Variants in TALDO1 observed in about 807,000 individuals in gnomAD.
The protein encoded by TALDO1 is transaldolase 1.
A neutral mutation model predicts 38.1 loss-of-function variants in TALDO1; 29 were observed. The observed-to-expected ratio is 0.76, with a 90% CI of 0.57 to 1.04. The LOEUF (loss-of-function observed/expected upper bound fraction) is 1.04. Among genes scored for constraint, TALDO1 ranks in the 50% least tolerant of loss-of-function variants. The pLI is 0.00. For synonymous variants in TALDO1, 207 were observed against 176.8 expected (o/e 1.17, Z -1.36); for missense variants, 499 against 438.1 (o/e 1.14, Z -1.24).
intron 6 of TALDO1, 159 bp from the exon 7 acceptor site, chr11:764,129 C>T (rs1360037301): frequency 1.4e-5 from 20 of 1,425,062 alleles, no homozygotes; most frequent in Non-Finnish European, 1.9e-5. Context: ...TCAGCCAAGG[C>T]TCTGTGGGCT....
chr11:760,486 A>G (rs1353893597), intron 4 of TALDO1: 1 of 567,868 alleles, frequency 1.8e-6, no homozygotes, highest in African/African-American at 1.9e-5. Flanking sequence ...AGGAAGTACC[A>G]TCCACCCACT....
At chr11:760,069 C>T (rs1862903542) in intron 3 of TALDO1, 53 bp from the exon 4 acceptor site, 5 of 1,610,564 alleles carry the variant, frequency 3.1e-6, no homozygotes, top group East Asian at 4.5e-5. Flanking sequence ...GCTTGCTCTG[C>T]GTGGTGGGCA....
chr11:759,927 TC>T (rs1862902168), intron 3 of TALDO1, among the ~76,000 whole-genome samples, 194 bp from the exon 4 acceptor site: 1 of 152,150 alleles, frequency 6.6e-6, no homozygotes, highest in African/African-American at 2.4e-5. Flanking sequence ...ACTGAGGACC[TC>T]TGTTTGTGAG....
intron 2 of TALDO1, among the ~76,000 whole-genome samples, chr11:756,512 A>AT (rs34721664): frequency 0.44 from 50,585 of 115,318 alleles, 11,338 homozygotes; most frequent in East Asian, 0.55. Context: ...TCATTTTTGT[A>AT]TTTTTTTTTT....
chr11:763,176 C>CGTCGGGGTTCAAG (rs1369203971), intron 4 of TALDO1, among the ~76,000 whole-genome samples, 168 bp from the exon 5 acceptor site: 1 of 146,980 alleles, frequency 6.8e-6, no homozygotes, highest in South Asian at 2.1e-4. Flanking sequence ...GGGCACCTGG[C>CGTCGGGGTTCAAG]CTGCATTCAC....
intron 1 of TALDO1, among the ~76,000 whole-genome samples, chr11:748,811 C>G (rs374917925): frequency 1.8e-4 from 28 of 152,364 alleles, no homozygotes; most frequent in African/African-American, 6.3e-4. Flanking sequence ...ACAGCCCCCC[C>G]GTTGTAGTCC....
At chr11:749,615 G>C (rs1285326719) in intron 1 of TALDO1, among the ~76,000 whole-genome samples, 1 of 152,204 alleles carries the variant, frequency 6.6e-6, no homozygotes, top group African/African-American at 2.4e-5. Context: ...AATCAAAGCT[G>C]TGAATGCTCT....
chr11:749,531 G>A (rs1862717646), intron 1 of TALDO1, among the ~76,000 whole-genome samples: 1 of 151,956 alleles, frequency 6.6e-6, no homozygotes, highest in African/African-American at 2.4e-5. Context: ...AGTCTGTTGG[G>A]TTTGTGATCT....
chr11:755,702 C>T lies in TALDO1; in HGVS notation c.98-177C>T, dbSNP rs1032889088. ...GTTGTTCCATCATTATGCAAACAGC[C>T]GCCTCTTGATGAACCTTCAGTGACC... is the stretch of plus-strand genomic sequence containing the variant. On this transcript the variant is annotated intron_variant, in intron 1 of 7. Transcript: ENST00000319006. 1.1e-4 allele frequency: 92 copies of T among 823,418 alleles called. No individual in the cohort carries two copies. The African/African-American group carries it at 1.3e-3, about 12-fold the overall frequency. 51.0% of individuals were successfully genotyped at this position (823,418 alleles called of 1,614,324 possible). A position where few individuals can be genotyped will look rare whatever the true frequency, so the allele number is the denominator to read the frequency against.
chr11:763,935 GC>G lies in TALDO1; in HGVS notation c.828del (p.Lys277ArgfsTer44), dbSNP rs750856021. Reference sequence around the variant, plus strand: ...CGCCAAGCTGGTGCCTGTGCTCTCAGCCAAGGCGGGTGAGGCCCCACTGCCC... The same window carrying G: ...CGCCAAGCTGGTGCCTGTGCTCTCAGCAAGGCGGGTGAGGCCCCACTGCCC... ...DNAKLVPVLSAKAAQASDLEK... is the reference protein window; with the variant it reads ...DNAKLVPVLSXKAAQASDLEK... On this transcript the variant is annotated frameshift_variant, in exon 6 of 8. Coordinates refer to ENST00000319006, the MANE Select transcript of TALDO1 (RefSeq NM_006755.2). LOFTEE classifies it high-confidence loss of function. The G allele has an allele frequency of 2.1e-5, 33 of 1,608,918 alleles. No homozygotes were observed. The highest frequency in any genetic ancestry group is 2.7e-5 in the Non-Finnish European group (32 of 1,179,848).
chr11:763,693 G>C (rs1344208506), intron 5 of TALDO1, 54 bp from the exon 6 acceptor site: 3 of 1,596,632 alleles, frequency 1.9e-6, no homozygotes, highest in East Asian at 4.5e-5. Flanking sequence ...GGGAGGGCAG[G>C]TGGGGTGGTA....
At chr11:760,503 A>C in intron 4 of TALDO1, 1 of 515,784 alleles carries the variant, frequency 1.9e-6, no homozygotes, top group East Asian at 3.7e-5. Flanking sequence ...CACTCAGCAG[A>C]GAAGAAAAGC....
intron 1 of TALDO1, among the ~76,000 whole-genome samples, chr11:755,434 G>A (rs1455231627): frequency 1.2e-4 from 18 of 152,148 alleles, no homozygotes; most frequent in Non-Finnish European, 2.6e-4. Flanking sequence ...GTGGGCCGCC[G>A]CGCCCAGCTC....
chr11:755,088 TA>T (rs1429999073), intron 1 of TALDO1, among the ~76,000 whole-genome samples: 1 of 150,054 alleles, frequency 6.7e-6, no homozygotes, highest in Admixed American at 6.7e-5. Context: ...TTGCAGGTAA[TA>T]ATTTTTGGAG....
chr11:762,394 T>C (rs1182128078), intron 4 of TALDO1, among the ~76,000 whole-genome samples: 2 of 152,212 alleles, frequency 1.3e-5, no homozygotes, highest in African/African-American at 4.8e-5. Flanking sequence ...TCGGTTTCCA[T>C]TTCTCGGGCT....
intron 5 of TALDO1, 113 bp from the exon 6 acceptor site, chr11:763,634 G>A (rs896517657): frequency 8.3e-6 from 13 of 1,568,296 alleles, no homozygotes; most frequent in African/African-American, 1.4e-5. Flanking sequence ...ACAGGTCGGC[G>A]CGGGGCAGGC....
At chr11:763,232 C>T (rs1488314601) in intron 4 of TALDO1, 112 bp from the exon 5 acceptor site, 1 of 121,438 alleles carries the variant, frequency 8.2e-6, no homozygotes, top group Admixed American at 8.5e-5. Flanking sequence ...CCCGCCCTCA[C>T]CCGCCCCCGC....
In TALDO1 at chr11:747,567, GC is replaced by G; in HGVS notation, c.87del (p.Asp30ThrfsTer19). The G allele has an allele frequency of 1.3e-6, 2 of 1,583,962 alleles. No individual in the cohort carries two copies. Among genetic ancestry groups the G allele is most frequent in the Non-Finnish European group, 1.7e-6 (2 of 1,167,906 alleles). On this transcript the variant is annotated frameshift_variant, in exon 1 of 8. Transcript: ENST00000319006. LOFTEE classifies it high-confidence loss of function. Reference protein sequence around the residue: ...KQFTTVVADTGDFHAIDEYKP... With the variant: ...KQFTTVVADTXDFHAIDEYKP... Reference sequence around the variant, plus strand: ...TTCACCACCGTGGTGGCCGACACGGGCGACTTCCACGGTGAGGACGGCGCGG... The same window carrying G: ...TTCACCACCGTGGTGGCCGACACGGGGACTTCCACGGTGAGGACGGCGCGG...
intron 5 of TALDO1, 89 bp downstream of exon 5, chr11:763,608 A>G: frequency 2.5e-6 from 4 of 1,587,948 alleles, no homozygotes; most frequent in Non-Finnish European, 3.5e-6. Context: ...TGCCGCATCA[A>G]CAAGCAGTGA....
Sources: gnomAD v4.1 joint callset for allele counts (sites outside exome capture counted in the v4.1 genomes callset) on GRCh38, gnomAD v4.1.1 for gene constraint, MANE v1.5 for transcripts, NCBI Gene and HGNC (gene_info 2026-07-23, HGNC 2026-07-21) for gene names.